Variants in RGS7BP observed in about 807,000 individuals in gnomAD.
RGS7BP encodes the protein regulator of G protein signaling 7 binding protein, also known as regulator of G protein signaling 7-binding protein.
In RGS7BP, 9 loss-of-function variants were observed where a neutral mutation model predicts 31.3. That is an observed-to-expected ratio of 0.29 (90% CI 0.17 to 0.50). The LOEUF is 0.50. RGS7BP is among the 20% of genes least tolerant of loss of function. RGS7BP has a pLI of 0.98. For synonymous variants in RGS7BP, 115 were observed against 120.1 expected, an observed-to-expected ratio of 0.96 and a Z score of 0.28; for missense variants, 274 against 322.0, an observed-to-expected ratio of 0.85 and a Z score of 1.14.
intron 2 of RGS7BP, among the ~76,000 whole-genome samples, chr5:64,534,241 G>A (rs272636): frequency 0.69 from 105,410 of 151,806 alleles, 37,415 homozygotes; most frequent in East Asian, 0.95. Context: ...TAGTTCCAGA[G>A]CCTGACAGAC....
chr5:64,548,297 A>C (rs2111828986), intron 2 of RGS7BP, among the ~76,000 whole-genome samples: 1 of 152,310 alleles, frequency 6.6e-6, no homozygotes, highest in Admixed American at 6.5e-5. Flanking sequence ...TGAAGTATTA[A>C]AGTACTAGAA....
chr5:64,609,294 A>G lies in RGS7BP; in HGVS notation c.*42A>G, dbSNP rs1010881180. 3.4e-6 allele frequency: 4 copies of G among 1,192,540 alleles called. No homozygotes were observed. Among genetic ancestry groups the G allele is most frequent in the Non-Finnish European group, 5.0e-6 (4 of 795,426 alleles). The allele number at this position is 1,192,540 out of a possible 1,614,324, so 73.9% of individuals were successfully genotyped here. On this transcript the variant is annotated 3_prime_UTR_variant, in exon 6 of 6. Coordinates refer to ENST00000334025, the MANE Select transcript of RGS7BP (RefSeq NM_001029875.3). ...ACCCACTGAGAACATCTGAAAAAAA[A>G]TCACAAAACCCGAGGACCTCCAGAC...
chr5:64,603,565 A>G (rs1743275985), intron 5 of RGS7BP, among the ~76,000 whole-genome samples: 1 of 152,212 alleles, frequency 6.6e-6, no homozygotes, highest in African/African-American at 2.4e-5. Context: ...GACTGAGATG[A>G]AAATCACAAG....
At chr5:64,518,346 T>C (rs1025314185) in intron 2 of RGS7BP, among the ~76,000 whole-genome samples, 6 of 144,148 alleles carry the variant, frequency 4.2e-5, no homozygotes, top group African/African-American at 1.6e-4. Context: ...CTTGTATTCA[T>C]GGTGTGTGTG....
chr5:64,564,833 G>A (rs1370349384), intron 2 of RGS7BP, among the ~76,000 whole-genome samples: 1 of 151,944 alleles, frequency 6.6e-6, no homozygotes, highest in African/African-American at 2.4e-5. Flanking sequence ...GGAGAACTGG[G>A]GAGCTTCTGC....
At chr5:64,515,801 C>G (rs189786751) in intron 2 of RGS7BP, among the ~76,000 whole-genome samples, 185 of 150,844 alleles carry the variant, frequency 1.2e-3, no homozygotes, top group African/African-American at 4.2e-3. Flanking sequence ...AGTATCTGAG[C>G]CTTTAAATAG....
At chr5:64,606,035 TATATAG>T (rs1490968067) in intron 5 of RGS7BP, among the ~76,000 whole-genome samples, 4 of 122,000 alleles carry the variant, frequency 3.3e-5, no homozygotes, top group Non-Finnish European at 5.4e-5. Flanking sequence ...TATATATATA[TATATAG>T]AGAGAGAGAG....
Position 64,506,824 on chromosome 5 carries a change from T to G in RGS7BP, c.165+35T>G. 1 of 1,494,484 alleles carries G rather than the reference T, an allele frequency of 6.7e-7. No individual in the cohort carries two copies. The highest frequency in any genetic ancestry group is 9.0e-7 in the Non-Finnish European group (1 of 1,106,590). 92.6% of individuals were successfully genotyped at this position (1,494,484 alleles called of 1,614,324 possible). On this transcript the variant is annotated intron_variant, in intron 1 of 5. Coordinates refer to ENST00000334025, the MANE Select transcript of RGS7BP (RefSeq NM_001029875.3). This position sits in a 1 kb window ranked among gnomAD's most constrained non-coding sequence, Gnocchi z 4.6. The stretch of plus-strand genomic sequence containing the variant: ...AACTGCGCCTCTTTTTTTTTTTTTT[T>G]AATTGAGAGGGGGTGGGGGGAGTCA...
chr5:64,508,184 C>G (rs762318726), intron 2 of RGS7BP, among the ~76,000 whole-genome samples: 2 of 152,152 alleles, frequency 1.3e-5, no homozygotes, highest in Non-Finnish European at 2.9e-5. Flanking sequence ...GGCTGGACAT[C>G]AAACTGAAGT....
chr5:64,507,812 C>A lies in RGS7BP; in HGVS notation c.267C>A (p.His89Gln). Reference protein sequence around the residue: ...VSCPSLRAEMHKTRTKGCEMA... With the variant: ...VSCPSLRAEMQKTRTKGCEMA... ...GCCCCTCACTCCGGGCGGAAATGCA[C>A]AAGACAAGAACCAAAGGCTGTGAAA... The change falls in exon 2 of 6, where the codon CAC becomes CAA. Residue 89 changes from histidine (H) to glutamine (Q), a missense_variant. His to Gln is a conservative substitution (Grantham distance 24). Around this residue, in one of 3 missense-constraint regions of RGS7BP, gnomAD observed 149 missense variants for 152.6 expected, o/e 0.98. Coordinates refer to ENST00000334025, the MANE Select transcript of RGS7BP (RefSeq NM_001029875.3). The A allele has an allele frequency of 6.2e-7, 1 of 1,613,934 alleles. No individual in the cohort carries two copies. The highest frequency in any genetic ancestry group is 1.3e-5 in the African/African-American group (1 of 74,966).
At chr5:64,546,122 C>G (rs1741653101) in intron 2 of RGS7BP, among the ~76,000 whole-genome samples, 1 of 152,076 alleles carries the variant, frequency 6.6e-6, no homozygotes, top group African/African-American at 2.4e-5. Context: ...CCACTGCACT[C>G]CAGCCTGGGC....
At position 64,572,975 on chromosome 5, in the gene RGS7BP, C is replaced by A. The variant is rs1207354975; in HGVS notation, c.333-2799C>A. On this transcript the variant is annotated intron_variant, in intron 2 of 5. Transcript: ENST00000334025. ...TAATGCTATCCCTCCCCCCTCCCCC[C>A]ACCCCACAACAGTCCCCAGAGTGTG... 7.7e-4 allele frequency among the ~76,000 whole-genome samples: 84 copies of A among 108,690 alleles called. 1 individual carries two copies. Among genetic ancestry groups the A allele is most frequent in the African/African-American group, 2.8e-3 (81 of 28,604 alleles). 71.3% of individuals were successfully genotyped at this position (108,690 alleles called of 152,430 possible).
intron 5 of RGS7BP, among the ~76,000 whole-genome samples, chr5:64,606,039 T>G (rs2366898): frequency 0.48 from 60,122 of 124,568 alleles, 15,264 homozygotes; most frequent in African/African-American, 0.49. Context: ...TATATATATA[T>G]AGAGAGAGAG....
chr5:64,588,847 A>G (rs60113184), intron 3 of RGS7BP, among the ~76,000 whole-genome samples: 5,289 of 152,274 alleles, frequency 0.035, 276 homozygotes, highest in African/African-American at 0.12. Context: ...AGAGACTCCA[A>G]TATAAAATAG....
chr5:64,534,147 C>A (rs1749444883), intron 2 of RGS7BP, among the ~76,000 whole-genome samples: 1 of 152,012 alleles, frequency 6.6e-6, no homozygotes, highest in African/African-American at 2.4e-5. Flanking sequence ...GGTAAAGGAG[C>A]CAGCCATGCG....
At chr5:64,564,736 C>T (rs903488784) in intron 2 of RGS7BP, among the ~76,000 whole-genome samples, 6 of 152,146 alleles carry the variant, frequency 3.9e-5, no homozygotes, top group Middle Eastern at 3.4e-3. Context: ...TAATTCCTTG[C>T]GCTGTAAGCC....
rs78016976 is a variant in RGS7BP at position 64,515,149 on chromosome 5, A to G, written c.332+7272A>G. Among the ~76,000 whole-genome samples, 297 of 152,298 alleles carry G rather than the reference A, an allele frequency of 2.0e-3. 1 individual carries two copies. The highest frequency in any genetic ancestry group is 6.7e-3 in the African/African-American group (278 of 41,578). On this transcript the variant is annotated intron_variant, in intron 2 of 5. Coordinates refer to ENST00000334025, the MANE Select transcript of RGS7BP (RefSeq NM_001029875.3). ...GATGATATATTTGTCTTTTCTGTTC[A>G]TTAAGTTTACTTGGTATTTTAAAAT...
Position 64,506,982 on chromosome 5 carries a change from C to T in RGS7BP, c.165+193C>T, listed in dbSNP as rs903742117. ...AGGGTGACACCCTGGTCGTAATAAC[C>T]CTGCAGAAAGAAGTGTGACAGCAAG... is the stretch of plus-strand genomic sequence containing the variant. On this transcript the variant is annotated intron_variant, in intron 1 of 5. Transcript: ENST00000334025. This position sits in a 1 kb window ranked among gnomAD's most constrained non-coding sequence, Gnocchi z 4.6. Among the ~76,000 whole-genome samples, 1 of 152,060 alleles carries T rather than the reference C, an allele frequency of 6.6e-6. No homozygotes were observed. Among genetic ancestry groups the T allele is most frequent in the African/African-American group, 2.4e-5 (1 of 41,408 alleles).
chr5:64,529,942 T>C lies in RGS7BP; in HGVS notation c.332+22065T>C, dbSNP rs142588876. 8.2e-4 allele frequency among the ~76,000 whole-genome samples: 125 copies of C among 152,356 alleles called. 1 individual carries two copies. In the East Asian group the frequency reaches 0.023, roughly 28 times the overall value. ...GGGCTGGACTTTTATACCAATTCTATACTTCTATACTTCAGGACTTCTATA... is the reference window on the plus strand; with the variant it reads ...GGGCTGGACTTTTATACCAATTCTACACTTCTATACTTCAGGACTTCTATA... On this transcript the variant is annotated intron_variant, in intron 2 of 5. Coordinates refer to ENST00000334025, the MANE Select transcript of RGS7BP (RefSeq NM_001029875.3).
Sources: allele counts gnomAD v4.1 joint callset (sites outside exome capture counted in the v4.1 genomes callset), GRCh38; gene constraint gnomAD v4.1.1; regional missense constraint gnomAD v4.1.1; non-coding constraint Gnocchi (gnomAD v3.1); transcripts MANE v1.5; gene names NCBI Gene and HGNC (gene_info 2026-07-23, HGNC 2026-07-21).